CTNNBL1: variants seen among roughly 807,000 people sequenced by gnomAD.
CTNNBL1 encodes catenin beta like 1.
In CTNNBL1, 31 loss-of-function variants were observed where a neutral mutation model predicts 72.7. The ratio of observed to expected loss-of-function variants is 0.43; its 90% CI spans 0.32 to 0.58. CTNNBL1 has a LOEUF of 0.58. CTNNBL1 is among the 20% of genes least tolerant of loss of function. The probability of loss-of-function intolerance (pLI) is 0.08; values close to 1 mark genes in which losing one functional copy is unlikely to be tolerated. For synonymous variants in CTNNBL1, 240 were observed against 267.3 expected (o/e 0.90, Z 1.00); for missense variants, 534 against 725.1 (o/e 0.74, Z 3.03).
intron 11 of CTNNBL1, among the ~76,000 whole-genome samples, chr20:37,812,876 A>AGGAG (rs1434143297): frequency 6.6e-6 from 1 of 152,220 alleles, no homozygotes; most frequent in African/African-American, 2.4e-5. Context: ...GTGGGAGCAC[A>AGGAG]GGAGGGGCTC....
chr20:37,813,032 G>C (rs2072026035), intron 11 of CTNNBL1, among the ~76,000 whole-genome samples: 1 of 152,088 alleles, frequency 6.6e-6, no homozygotes, highest in Admixed American at 6.6e-5. Flanking sequence ...AAAAAAGTTG[G>C]GAGGGACAAA....
intron 1 of CTNNBL1, among the ~76,000 whole-genome samples, chr20:37,722,939 T>C (rs558074142): frequency 6.6e-6 from 1 of 152,362 alleles, no homozygotes; most frequent in Admixed American, 6.5e-5. Flanking sequence ...AATGAATGGA[T>C]GCGGATGGTT....
At chr20:37,777,203 A>C in intron 7 of CTNNBL1, 142 bp from the exon 8 acceptor site, 1 of 632,290 alleles carries the variant, frequency 1.6e-6, no homozygotes, top group Non-Finnish European at 2.8e-6. Flanking sequence ...GAGCAGAGGC[A>C]GACGTTTTTA....
At chr20:37,703,772 A>G (rs2072862804) in intron 1 of CTNNBL1, among the ~76,000 whole-genome samples, 1 of 151,290 alleles carries the variant, frequency 6.6e-6, no homozygotes, top group Non-Finnish European at 1.5e-5. Context: ...AAGATGAAAG[A>G]CAAGGTTCTT....
At chr20:37,813,718 G>T (rs1477273185) in intron 11 of CTNNBL1, among the ~76,000 whole-genome samples, 2 of 152,174 alleles carry the variant, frequency 1.3e-5, no homozygotes, top group African/African-American at 4.8e-5. Flanking sequence ...AAGTTGTATA[G>T]AAATAGTTTA....
chr20:37,773,083 C>T (rs1293398240), intron 7 of CTNNBL1, among the ~76,000 whole-genome samples: 1 of 152,110 alleles, frequency 6.6e-6, no homozygotes, highest in Non-Finnish European at 1.5e-5. Flanking sequence ...AACAGCAAAA[C>T]CAAGTATAAG....
At chr20:37,729,119 T>C (rs2073109239) in intron 1 of CTNNBL1, among the ~76,000 whole-genome samples, 1 of 152,230 alleles carries the variant, frequency 6.6e-6, no homozygotes, top group Non-Finnish European at 1.5e-5. Flanking sequence ...CAGGGTCTTA[T>C]ATGACATATT....
chr20:37,780,090 T>C (rs1302739226), intron 10 of CTNNBL1, among the ~76,000 whole-genome samples: 1 of 151,268 alleles, frequency 6.6e-6, no homozygotes, highest in Admixed American at 6.6e-5. Context: ...CGAGCATGTT[T>C]ATGTGGTTGG....
intron 4 of CTNNBL1, chr20:37,750,176 G>C (rs559071349): frequency 9.8e-5 from 15 of 152,328 alleles, no homozygotes; most frequent in Admixed American, 9.8e-4. Flanking sequence ...AGCAGCTTCA[G>C]AGTTTATTCT....
intron 1 of CTNNBL1, among the ~76,000 whole-genome samples, chr20:37,725,313 G>C (rs1347683154): frequency 2.1e-5 from 3 of 143,600 alleles, no homozygotes; most frequent in Non-Finnish European, 4.6e-5. Context: ...TTTTTTTTTT[G>C]AGGCGGAGTT....
chr20:37,818,708 A>C (rs1203180794), intron 11 of CTNNBL1, among the ~76,000 whole-genome samples: 1 of 152,214 alleles, frequency 6.6e-6, no homozygotes, highest in African/African-American at 2.4e-5. Context: ...TCAAAATCAG[A>C]ATCACAGGAA....
intron 4 of CTNNBL1, chr20:37,756,338 G>A (rs980065077): frequency 2.0e-5 from 3 of 152,022 alleles, no homozygotes; most frequent in African/African-American, 4.8e-5. Flanking sequence ...CCTTTATCAT[G>A]TTCAGTACTT....
chr20:37,807,100 G>T (rs560327151), intron 11 of CTNNBL1, among the ~76,000 whole-genome samples: 1 of 152,140 alleles, frequency 6.6e-6, no homozygotes, highest in Non-Finnish European at 1.5e-5. Flanking sequence ...TCCCAAAGTC[G>T]CAGTGCAGCC....
intron 1 of CTNNBL1, among the ~76,000 whole-genome samples, chr20:37,720,400 C>T (rs907018351): frequency 6.6e-6 from 1 of 152,148 alleles, no homozygotes; most frequent in Admixed American, 6.5e-5. Flanking sequence ...CTATTGCAAT[C>T]CTCTTGCTTT....
chr20:37,763,412 T>C (rs2073436036), intron 5 of CTNNBL1, among the ~76,000 whole-genome samples: 1 of 152,198 alleles, frequency 6.6e-6, no homozygotes, highest in African/African-American at 2.4e-5. Flanking sequence ...TTTCTTCAAA[T>C]AGCATCCCCT....
At chr20:37,845,656 G>A (rs960116905) in intron 13 of CTNNBL1, among the ~76,000 whole-genome samples, 3 of 152,274 alleles carry the variant, frequency 2.0e-5, no homozygotes, top group Non-Finnish European at 2.9e-5. Flanking sequence ...AGAACAATAC[G>A]ACCTCCTTTT....
At chr20:37,749,165 C>T (rs2073295090) in intron 4 of CTNNBL1, among the ~76,000 whole-genome samples, 1 of 152,192 alleles carries the variant, frequency 6.6e-6, no homozygotes, top group South Asian at 2.1e-4. Flanking sequence ...TCCAGTGCAC[C>T]TCAGGTCTTC....
At chr20:37,755,122 T>G (rs2073352847) in intron 4 of CTNNBL1, among the ~76,000 whole-genome samples, 1 of 152,224 alleles carries the variant, frequency 6.6e-6, no homozygotes. Context: ...TAACCACTAC[T>G]AGCTTTACCT....
At chr20:37,783,382 T>G (rs1490071711) in intron 10 of CTNNBL1, among the ~76,000 whole-genome samples, 2 of 152,166 alleles carry the variant, frequency 1.3e-5, no homozygotes, top group Admixed American at 1.3e-4. Flanking sequence ...TGATCTTTAT[T>G]ATTTCTCTTC....
Sources: gnomAD v4.1 joint callset for allele counts (sites outside exome capture counted in the v4.1 genomes callset) on GRCh38, gnomAD v4.1.1 for gene constraint, MANE v1.5 for transcripts, NCBI Gene and HGNC (gene_info 2026-07-23, HGNC 2026-07-21) for gene names.